Variants in RTTN observed in about 807,000 individuals in gnomAD.
The protein encoded by RTTN is rotatin.
In RTTN, 182 loss-of-function variants were observed where a neutral mutation model predicts 269.2. The ratio of observed to expected loss-of-function variants is 0.68; its 90% CI spans 0.60 to 0.76. The LOEUF (loss-of-function observed/expected upper bound fraction) is 0.76, where lower values mean the gene tolerates loss of function less well. Ranked by LOEUF, RTTN falls within the 30% of genes least tolerant of loss-of-function variation. The pLI is 0.00. For synonymous variants in RTTN, 1,006 were observed against 963.5 expected, an observed-to-expected ratio of 1.04 and a Z score of -0.82; for missense variants, 2,545 against 2,608.6, an observed-to-expected ratio of 0.98 and a Z score of 0.53.
chr18:70,199,886 T>G (rs1392420792), intron 4 of RTTN, among the ~76,000 whole-genome samples: 1 of 152,182 alleles, frequency 6.6e-6, no homozygotes, highest in Non-Finnish European at 1.5e-5. Flanking sequence ...TTTTCAAAAT[T>G]AAAAATGATA....
chr18:70,177,931 G>A (rs1461701904), intron 10 of RTTN, among the ~76,000 whole-genome samples: 1 of 152,092 alleles, frequency 6.6e-6, no homozygotes, highest in Admixed American at 6.6e-5. Context: ...CCACTTCTGG[G>A]AATATACCCA....
chr18:70,203,456 A>C (rs2062003161), intron 3 of RTTN, among the ~76,000 whole-genome samples: 1 of 152,186 alleles, frequency 6.6e-6, no homozygotes, highest in African/African-American at 2.4e-5. Context: ...GGCTTCCCAA[A>C]GTGCCGGGAT....
chr18:70,089,997 T>G (rs2058800572), intron 30 of RTTN, among the ~76,000 whole-genome samples: 2 of 152,274 alleles, frequency 1.3e-5, no homozygotes, highest in African/African-American at 4.8e-5. Flanking sequence ...AAAGAGAACA[T>G]GGAGGGTGTG....
chr18:70,133,008 A>C (rs1272308516), intron 23 of RTTN, among the ~76,000 whole-genome samples: 1 of 152,132 alleles, frequency 6.6e-6, no homozygotes, highest in African/African-American at 2.4e-5. Context: ...GACTCCCCAC[A>C]TCTGGACTGA....
chr18:70,183,176 A>G (rs1277696282), intron 10 of RTTN, among the ~76,000 whole-genome samples: 1 of 152,220 alleles, frequency 6.6e-6, no homozygotes, highest in East Asian at 1.9e-4. Context: ...TATACCTGAA[A>G]ACAATTACTG....
intron 14 of RTTN, among the ~76,000 whole-genome samples, chr18:70,164,478 T>A (rs913983253): frequency 1.3e-5 from 2 of 151,916 alleles, no homozygotes; most frequent in African/African-American, 4.8e-5. Flanking sequence ...CCTTCCCAAA[T>A]GCTGGGATTA....
At chr18:70,183,622 C>G (rs1437349004) in intron 10 of RTTN, among the ~76,000 whole-genome samples, 1 of 152,084 alleles carries the variant, frequency 6.6e-6, no homozygotes, top group Non-Finnish European at 1.5e-5. Context: ...ACATCTTGAG[C>G]TAAAACATTC....
At chr18:70,167,635 T>C (rs919697783) in intron 12 of RTTN, among the ~76,000 whole-genome samples, 1 of 145,354 alleles carries the variant, frequency 6.9e-6, no homozygotes, top group Non-Finnish European at 1.5e-5. Context: ...AGGCGGGAGG[T>C]GGAGCTTGCA....
At chr18:70,203,217 C>T (rs1342163154) in intron 3 of RTTN, among the ~76,000 whole-genome samples, 2 of 146,602 alleles carry the variant, frequency 1.4e-5, no homozygotes, top group Admixed American at 6.7e-5. Context: ...TTTTTTTTTT[C>T]GAGATGGAGT....
Position 70,114,618 on chromosome 18 carries a change from A to G in RTTN, c.3529-19T>C, listed in dbSNP as rs577394349. On this transcript the variant is annotated intron_variant, in intron 26 of 48. Coordinates refer to ENST00000640769, the MANE Select transcript of RTTN (RefSeq NM_173630.4). The stretch of plus-strand genomic sequence containing the variant: ...TTGCACTCTAAAAAATGAAATTTGT[A>G]AAAAATGTATTTACTAATTGAACTA... The G allele has an allele frequency of 8.1e-5, 130 of 1,603,744 alleles. 1 individual carries two copies. The South Asian group carries it at 1.3e-3, about 16-fold the overall frequency.
At chr18:70,153,713 T>G (rs1228306922) in intron 14 of RTTN, among the ~76,000 whole-genome samples, 1 of 152,162 alleles carries the variant, frequency 6.6e-6, no homozygotes, top group Non-Finnish European at 1.5e-5. Flanking sequence ...CTGACAGACA[T>G]AGCCAATTAA....
rs750844245 is a variant in RTTN at position 70,065,948 on chromosome 18, T to G, written c.4654-26A>C. 21 of 1,482,978 alleles carry G rather than the reference T, an allele frequency of 1.4e-5. No homozygotes were observed. The Admixed American group carries it at 3.4e-4, about 24-fold the overall frequency. The allele number at this position is 1,482,978 out of a possible 1,614,324, so 91.9% of individuals were successfully genotyped here. A position where few individuals can be genotyped will look rare whatever the true frequency, so the allele number is the denominator to read the frequency against. On this transcript the variant is annotated intron_variant, in intron 34 of 48. Coordinates refer to ENST00000640769, the MANE Select transcript of RTTN (RefSeq NM_173630.4). Reference sequence around the variant, plus strand: ...CTATGAATCAGTAAATTATTTTACTTATTAATGTTACAGTACGGAAAATGA... The same window carrying G: ...CTATGAATCAGTAAATTATTTTACTGATTAATGTTACAGTACGGAAAATGA...
chr18:70,114,322 T>C, intron 27 of RTTN, 123 bp downstream of exon 27: 1 of 925,890 alleles, frequency 1.1e-6, no homozygotes, highest in Non-Finnish European at 1.6e-6. Flanking sequence ...TAACTGATTA[T>C]TATTTAAGTA....
chr18:70,054,876 T>C (rs2057773116), intron 37 of RTTN, among the ~76,000 whole-genome samples: 1 of 152,080 alleles, frequency 6.6e-6, no homozygotes, highest in Admixed American at 6.5e-5. Flanking sequence ...ATCAATATTA[T>C]GGAAGAAGTG....
In RTTN at chr18:70,017,519, G is replaced by C; in HGVS notation, c.6309C>G (p.Asp2103Glu). ...QMILRLDGCL[D>E]LLTEMSKYKH... ...TGTATTTGCTCATCTCTGTTAGTAA[G>C]TCTAGACAGCCATCAAGCCTCAGAA... The change falls in exon 46 of 49, where the codon GAC becomes GAG. Residue 2103 changes from aspartate (D) to glutamate (E), a missense_variant. By Grantham distance (45) the Asp-to-Glu change is conservative (BLOSUM62 2). Coordinates refer to ENST00000640769, the MANE Select transcript of RTTN (RefSeq NM_173630.4). 1 of 1,614,062 alleles carries C rather than the reference G, an allele frequency of 6.2e-7. No individual in the cohort carries two copies. The highest frequency in any genetic ancestry group is 1.1e-5 in the South Asian group (1 of 91,078).
chr18:70,095,168 T>C (rs2145275050), intron 28 of RTTN, among the ~76,000 whole-genome samples: 1 of 151,214 alleles, frequency 6.6e-6, no homozygotes, highest in South Asian at 2.1e-4. Context: ...TCATCCTCCA[T>C]CCCTTTATTT....
intron 10 of RTTN, among the ~76,000 whole-genome samples, chr18:70,178,398 C>T (rs1248451335): frequency 6.6e-6 from 1 of 151,976 alleles, no homozygotes; most frequent in Non-Finnish European, 1.5e-5. Context: ...GTACCAGGAG[C>T]TGGGGATAGG....
At chr18:70,106,633 A>G (rs994217423) in intron 28 of RTTN, among the ~76,000 whole-genome samples, 3 of 152,190 alleles carry the variant, frequency 2.0e-5, no homozygotes, top group Admixed American at 2.0e-4. Context: ...AAATTCAGAG[A>G]TGTGGGAAAA....
At chr18:70,104,365 T>C (rs1001327552) in intron 28 of RTTN, among the ~76,000 whole-genome samples, 22 of 152,224 alleles carry the variant, frequency 1.4e-4, no homozygotes, top group African/African-American at 5.3e-4. Flanking sequence ...TTCTCTATAC[T>C]GTTTATTCTA....
Sources: gnomAD v4.1 joint callset for allele counts (sites outside exome capture counted in the v4.1 genomes callset) on GRCh38, gnomAD v4.1.1 for gene constraint, MANE v1.5 for transcripts, NCBI Gene and HGNC (gene_info 2026-07-23, HGNC 2026-07-21) for gene names.